The following NBAS variants were observed in gnomAD, a reference collection of about 807,000 sequenced individuals.
The protein encoded by NBAS is NAG/BC035112 fusion.
A neutral mutation model predicts 302.5 loss-of-function variants in NBAS; 219 were observed. The observed-to-expected ratio is 0.72, with a 90% CI of 0.65 to 0.81. The LOEUF is 0.81. NBAS is among the 30% of genes least tolerant of loss of function. NBAS has a pLI of 0.00. For synonymous variants in NBAS, 1,118 were observed against 1,021.6 expected (o/e 1.09, Z -1.80); for missense variants, 2,932 against 2,841.6 (o/e 1.03, Z -0.72).
At chr2:14,957,423 A>G in the NBAS span, among the ~76,000 whole-genome samples, 1 of 152,134 alleles carries the variant, frequency 6.6e-6, no homozygotes, top group African/African-American at 2.4e-5. Context: ...TTTAACATAG[A>G]ATTTCCCAAG....
chr2:15,200,838 T>C (rs1665841297), intron 48 of NBAS, among the ~76,000 whole-genome samples: 1 of 152,210 alleles, frequency 6.6e-6, no homozygotes, highest in South Asian at 2.1e-4. Flanking sequence ...TAACCTCAAA[T>C]TTCTCTATGG....
chr2:14,868,580 G>A, the NBAS span, among the ~76,000 whole-genome samples: 1,706 of 152,220 alleles, frequency 0.011, 32 homozygotes, highest in African/African-American at 0.038. Flanking sequence ...TTGTAGGCAC[G>A]GACGGAATTT....
intron 16 of NBAS, among the ~76,000 whole-genome samples, chr2:15,472,171 G>A (rs1679987855): frequency 6.6e-6 from 1 of 152,166 alleles, no homozygotes. Context: ...ACGATTTTAA[G>A]CTCTGGGTGC....
the NBAS span, among the ~76,000 whole-genome samples, chr2:14,941,931 GCTT>G: frequency 1.3e-5 from 2 of 152,144 alleles, no homozygotes; most frequent in Admixed American, 6.5e-5. Flanking sequence ...AATGTTCATT[GCTT>G]CTTTTCTCCA....
At chr2:15,557,179 T>C (rs917201249) in intron 2 of NBAS, among the ~76,000 whole-genome samples, 2 of 152,142 alleles carry the variant, frequency 1.3e-5, no homozygotes, top group Non-Finnish European at 2.9e-5. Context: ...GTATAAAAAA[T>C]TAAAGCAAGA....
intron 14 of NBAS, among the ~76,000 whole-genome samples, chr2:15,475,411 T>G (rs1264575982): frequency 6.6e-6 from 1 of 152,164 alleles, no homozygotes; most frequent in African/African-American, 2.4e-5. Flanking sequence ...CATTCTACAT[T>G]TTTAAATGAC....
the NBAS span, among the ~76,000 whole-genome samples, chr2:14,803,901 T>C: frequency 6.6e-6 from 1 of 152,096 alleles, no homozygotes. Flanking sequence ...CCTCCTGCCT[T>C]GGCCTCCCAA....
At chr2:15,423,925 A>C (rs1677328732) in intron 23 of NBAS, among the ~76,000 whole-genome samples, 1 of 152,244 alleles carries the variant, frequency 6.6e-6, no homozygotes, top group Non-Finnish European at 1.5e-5. Flanking sequence ...AAACAACTTC[A>C]AACAGGGTTC....
the NBAS span, among the ~76,000 whole-genome samples, chr2:14,882,251 C>T: frequency 6.6e-6 from 1 of 152,142 alleles, no homozygotes; most frequent in African/African-American, 2.4e-5. Flanking sequence ...AACTGATCCA[C>T]ACTTGAGTTA....
chr2:14,858,173 A>G, the NBAS span, among the ~76,000 whole-genome samples: 2 of 152,056 alleles, frequency 1.3e-5, no homozygotes, highest in Non-Finnish European at 2.9e-5. Flanking sequence ...AATAACAAAT[A>G]CTGGTGAAGA....
intron 32 of NBAS, among the ~76,000 whole-genome samples, chr2:15,364,799 T>G (rs539437187): frequency 1.3e-5 from 2 of 152,234 alleles, no homozygotes; most frequent in Admixed American, 6.5e-5. Context: ...TGAAATTTCA[T>G]AAAAGATGAT....
rs1231009008 is a variant in NBAS, at chr2:15,443,758, T to C, written c.2340-15964A>G. Among the ~76,000 whole-genome samples the C allele has an allele frequency of 5.6e-3, 847 of 150,056 alleles. 7 individuals carry two copies. The highest frequency in any genetic ancestry group is 0.033 in the East Asian group (164 of 4,902). ...TGATTGTGTATCTAGAAAACCCCAC[T>C]GTCTCAGCCCAAAATCTCCTTAAGC... On this transcript the variant is annotated intron_variant, in intron 21 of 51. Coordinates refer to ENST00000281513, the MANE Select transcript of NBAS (RefSeq NM_015909.4).
chr2:15,081,232 G>C, the NBAS span, among the ~76,000 whole-genome samples: 7 of 152,042 alleles, frequency 4.6e-5, no homozygotes, highest in African/African-American at 1.7e-4. Context: ...TTTTGACTTG[G>C]TGCTATCCCT....
intron 35 of NBAS, among the ~76,000 whole-genome samples, chr2:15,345,027 A>T (rs1558255736): frequency 6.6e-6 from 1 of 152,104 alleles, no homozygotes; most frequent in Non-Finnish European, 1.5e-5. Context: ...AAGAGCTATT[A>T]ATGACAAACC....
intron 28 of NBAS, among the ~76,000 whole-genome samples, chr2:15,387,718 A>G: frequency 6.6e-6 from 1 of 151,386 alleles, no homozygotes. Flanking sequence ...TGCAACCTCC[A>G]CTTCCTGGGC....
chr2:15,339,028 A>T (rs948342551), intron 35 of NBAS, among the ~76,000 whole-genome samples: 1 of 152,106 alleles, frequency 6.6e-6, no homozygotes, highest in African/African-American at 2.4e-5. Flanking sequence ...AAAATTTTTT[A>T]AAAATCAATA....
At chr2:15,423,660 C>T (rs935087164) in intron 23 of NBAS, among the ~76,000 whole-genome samples, 2 of 152,020 alleles carry the variant, frequency 1.3e-5, no homozygotes, top group Non-Finnish European at 2.9e-5. Flanking sequence ...GAAGACTGAA[C>T]GTGGAAGAAA....
intron 9 of NBAS, among the ~76,000 whole-genome samples, chr2:15,513,692 T>C (rs1662249091): frequency 6.7e-6 from 1 of 150,290 alleles, no homozygotes. Context: ...GATCAATGAA[T>C]TAAAAGAAAA....
chr2:15,007,968 G>T, the NBAS span, among the ~76,000 whole-genome samples: 1 of 152,166 alleles, frequency 6.6e-6, no homozygotes, highest in South Asian at 2.1e-4. Context: ...ATAATGTTTT[G>T]AAAGTGACAA....
Sources: gnomAD v4.1 joint callset for allele counts (sites outside exome capture counted in the v4.1 genomes callset) on GRCh38, gnomAD v4.1.1 for gene constraint, MANE v1.5 for transcripts, NCBI Gene and HGNC (gene_info 2026-07-23, HGNC 2026-07-21) for gene names.